The following MEIKIN variants were observed in gnomAD, a reference collection of about 807,000 sequenced individuals.
MEIKIN encodes meiosis-specific kinetochore protein.
chr5:131,916,264 G>A (rs546763656), intron 7 of MEIKIN, among the ~76,000 whole-genome samples: 71 of 152,170 alleles, frequency 4.7e-4, no homozygotes, highest in Admixed American at 1.0e-3. Flanking sequence ...ATTTACTGAA[G>A]GACAATTCAC....
intron 9 of MEIKIN, among the ~76,000 whole-genome samples, chr5:131,878,676 C>G (rs1750654570): frequency 6.6e-6 from 1 of 151,816 alleles, no homozygotes; most frequent in African/African-American, 2.4e-5. Flanking sequence ...TTGAGATGAG[C>G]CTGGACAACT....
At chr5:131,897,414 T>G (rs1478359258) in intron 8 of MEIKIN, among the ~76,000 whole-genome samples, 1 of 152,240 alleles carries the variant, frequency 6.6e-6, no homozygotes, top group Non-Finnish European at 1.5e-5. Flanking sequence ...CTGTATTTCC[T>G]GAATTTGAAT....
chr5:131,943,948 T>C (rs1413275450), intron 3 of MEIKIN, among the ~76,000 whole-genome samples: 4 of 151,790 alleles, frequency 2.6e-5, no homozygotes, highest in Non-Finnish European at 4.4e-5. Context: ...AGAAACCCCC[T>C]CTATACAAAA....
intron 8 of MEIKIN, among the ~76,000 whole-genome samples, chr5:131,910,779 G>C (rs1751321669): frequency 6.6e-6 from 1 of 151,764 alleles, no homozygotes. Context: ...AAAATCTCTA[G>C]AGTAAGTGGC....
At chr5:131,846,681 C>T (rs908937347) in intron 11 of MEIKIN, among the ~76,000 whole-genome samples, 4 of 152,030 alleles carry the variant, frequency 2.6e-5, no homozygotes, top group Non-Finnish European at 2.9e-5. Context: ...ATTAGCTGGA[C>T]GTGGTTGTGC....
chr5:131,866,517 G>A (rs554701829), intron 9 of MEIKIN, among the ~76,000 whole-genome samples: 1 of 152,234 alleles, frequency 6.6e-6, no homozygotes, highest in Non-Finnish European at 1.5e-5. Flanking sequence ...GAAGAGTGGG[G>A]TTGCTTCCCC....
intron 12 of MEIKIN, among the ~76,000 whole-genome samples, chr5:131,815,497 G>A (rs1773085866): frequency 1.3e-5 from 2 of 152,138 alleles, no homozygotes; most frequent in Admixed American, 1.3e-4. Context: ...TGCCCCACTG[G>A]CTTAGAGGTC....
chr5:131,927,543 A>G (rs1751607715), intron 5 of MEIKIN, among the ~76,000 whole-genome samples: 1 of 152,236 alleles, frequency 6.6e-6, no homozygotes, highest in African/African-American at 2.4e-5. Flanking sequence ...TGTTCTATCC[A>G]TTGTTAAAAG....
intron 8 of MEIKIN, among the ~76,000 whole-genome samples, chr5:131,904,319 T>A (rs1751209441): frequency 6.6e-6 from 1 of 152,126 alleles, no homozygotes; most frequent in South Asian, 2.1e-4. Flanking sequence ...ACCAAATGGA[T>A]CTAATAGATA....
intron 9 of MEIKIN, among the ~76,000 whole-genome samples, chr5:131,871,813 G>A (rs1282333676): frequency 6.6e-6 from 1 of 152,112 alleles, no homozygotes; most frequent in African/African-American, 2.4e-5. Context: ...CCAGAGGAAC[G>A]ATCAGGCAGC....
chr5:131,919,849 T>C (rs751672805), intron 6 of MEIKIN, among the ~76,000 whole-genome samples: 4 of 152,166 alleles, frequency 2.6e-5, no homozygotes, highest in Non-Finnish European at 4.4e-5. Context: ...GAATAACTTT[T>C]TATATAGCTA....
At chr5:131,824,034 G>T (rs1293525486) in intron 11 of MEIKIN, among the ~76,000 whole-genome samples, 2 of 152,102 alleles carry the variant, frequency 1.3e-5, no homozygotes, top group Non-Finnish European at 2.9e-5. Flanking sequence ...ATCTCTCTTT[G>T]CTGAGCCACC....
At chr5:131,844,942 A>T (rs1419911477) in intron 11 of MEIKIN, among the ~76,000 whole-genome samples, 1 of 152,208 alleles carries the variant, frequency 6.6e-6, no homozygotes, top group Non-Finnish European at 1.5e-5. Flanking sequence ...GCATACAAGT[A>T]GCCTATGACA....
chr5:131,848,775 A>C (rs961087398), intron 11 of MEIKIN, among the ~76,000 whole-genome samples: 1 of 152,182 alleles, frequency 6.6e-6, no homozygotes, highest in Admixed American at 6.5e-5. Flanking sequence ...TCCTCAACAA[A>C]TTACTAGCAA....
chr5:131,898,148 T>A (rs1282702216), intron 8 of MEIKIN, among the ~76,000 whole-genome samples: 1 of 152,352 alleles, frequency 6.6e-6, no homozygotes, highest in South Asian at 2.1e-4. Flanking sequence ...GTTTTCCTTA[T>A]AACAGTCAGG....
Position 131,833,464 on chromosome 5 carries a change from A to T in MEIKIN, c.976-14601T>A, listed in dbSNP as rs540261524. 3.9e-5 allele frequency among the ~76,000 whole-genome samples: 6 copies of T among 152,308 alleles called. No homozygotes were observed. The East Asian group carries it at 1.2e-3, about 29-fold the overall frequency. On this transcript the variant is annotated intron_variant, in intron 11 of 12. Transcript: ENST00000442687. ...TCACATTTTCCTGTCTTCTTCTGAGACCTCAAAACTGTTCCAACTTCTGCC... is the reference window on the plus strand; with the variant it reads ...TCACATTTTCCTGTCTTCTTCTGAGTCCTCAAAACTGTTCCAACTTCTGCC...
At chr5:131,929,832 T>G (rs2149651135) in intron 5 of MEIKIN, among the ~76,000 whole-genome samples, 1 of 152,374 alleles carries the variant, frequency 6.6e-6, no homozygotes, top group South Asian at 2.1e-4. Flanking sequence ...GGTCTCTAGC[T>G]GCATCCATGC....
chr5:131,854,724 ATAC>A (rs1750166886), intron 10 of MEIKIN, 27 bp downstream of exon 10: 1 of 397,572 alleles, frequency 2.5e-6, no homozygotes, highest in African/African-American at 2.1e-5. Flanking sequence ...CAGAAAACAG[ATAC>A]TACAAGTGCC....
At chr5:131,933,944 A>AT (rs1265472369) in intron 4 of MEIKIN, among the ~76,000 whole-genome samples, 2 of 151,614 alleles carry the variant, frequency 1.3e-5, no homozygotes, top group Non-Finnish European at 2.9e-5. Context: ...CAAAAATTTA[A>AT]TTTTTTAATT....
Sources: allele counts gnomAD v4.1 joint callset (sites outside exome capture counted in the v4.1 genomes callset), GRCh38; gene constraint gnomAD v4.1.1; transcripts MANE v1.5; gene names NCBI Gene and HGNC (gene_info 2026-07-23, HGNC 2026-07-21).